The following PLEKHB2 variants were observed in gnomAD, a reference collection of about 807,000 sequenced individuals.
PLEKHB2 encodes pleckstrin homology domain containing B2.
PLEKHB2 carries 31 observed loss-of-function variants against 36.5 expected under a neutral mutation model. That is an observed-to-expected ratio of 0.85 (90% CI 0.64 to 1.15). The LOEUF is 1.15. Among genes scored for constraint, PLEKHB2 ranks in the 50% most tolerant of loss-of-function variants. The probability of loss-of-function intolerance (pLI) is 0.00; values close to 1 mark genes in which losing one functional copy is unlikely to be tolerated. For missense variants in PLEKHB2, 262 were observed against 295.3 expected (o/e 0.89, Z 0.83); for synonymous variants, 119 against 112.0 (o/e 1.06, Z -0.39).
chr2:131,135,391 A>G (rs1476516299), intron 6 of PLEKHB2, among the ~76,000 whole-genome samples: 1 of 152,142 alleles, frequency 6.6e-6, no homozygotes, highest in African/African-American at 2.4e-5. Context: ...TTCTAAGCTC[A>G]CTTACTCTAT....
chr2:131,144,176 A>G (rs1156338445), intron 7 of PLEKHB2, among the ~76,000 whole-genome samples: 3 of 152,174 alleles, frequency 2.0e-5, no homozygotes, highest in Non-Finnish European at 4.4e-5. Context: ...GCTAGTCCAC[A>G]AGAACCCTCC....
chr2:131,127,897 G>A (rs1559079702), intron 4 of PLEKHB2, among the ~76,000 whole-genome samples: 1 of 152,190 alleles, frequency 6.6e-6, no homozygotes, highest in Non-Finnish European at 1.5e-5. Flanking sequence ...AGCAGAGGCT[G>A]GACGGTTCTC....
intron 6 of PLEKHB2, among the ~76,000 whole-genome samples, chr2:131,135,420 C>T (rs72982497): frequency 6.6e-6 from 1 of 152,250 alleles, no homozygotes; most frequent in South Asian, 2.1e-4. Flanking sequence ...TCTGTAGATT[C>T]TTTGGGATAT....
At chr2:131,109,949 C>T (rs1243212077) in intron 1 of PLEKHB2, among the ~76,000 whole-genome samples, 3 of 151,642 alleles carry the variant, frequency 2.0e-5, no homozygotes, top group Non-Finnish European at 4.4e-5. Flanking sequence ...CCTGTCTCTA[C>T]TAAAAATACA....
intron 6 of PLEKHB2, among the ~76,000 whole-genome samples, chr2:131,139,170 A>G (rs762010456): frequency 6.6e-6 from 1 of 152,232 alleles, no homozygotes; most frequent in East Asian, 1.9e-4. Flanking sequence ...TTTGGTCTGC[A>G]CTGATCGGCA....
intron 4 of PLEKHB2, among the ~76,000 whole-genome samples, chr2:131,129,773 G>A (rs540680809): frequency 1.3e-5 from 2 of 152,316 alleles, no homozygotes; most frequent in East Asian, 1.9e-4. Flanking sequence ...GAAGTGCTGG[G>A]ATTACAGGCG....
chr2:131,137,241 C>T (rs1698361099), intron 6 of PLEKHB2, among the ~76,000 whole-genome samples: 1 of 152,224 alleles, frequency 6.6e-6, no homozygotes, highest in Non-Finnish European at 1.5e-5. Context: ...GCCACTGTGC[C>T]CGGCCTCTTT....
At chr2:131,111,908 C>A (rs887860474) in intron 1 of PLEKHB2, among the ~76,000 whole-genome samples, 1 of 152,018 alleles carries the variant, frequency 6.6e-6, no homozygotes, top group Admixed American at 6.6e-5. Flanking sequence ...AGATTTTTCT[C>A]CAGTGTCTGA....
chr2:131,107,014 C>A (rs1694804754), intron 1 of PLEKHB2, among the ~76,000 whole-genome samples: 1 of 152,202 alleles, frequency 6.6e-6, no homozygotes, highest in Non-Finnish European at 1.5e-5. Flanking sequence ...AGGACAGATA[C>A]TCTTGTGGTG....
At chr2:131,134,577 G>A (rs1171202085) in intron 6 of PLEKHB2, among the ~76,000 whole-genome samples, 1 of 152,068 alleles carries the variant, frequency 6.6e-6, no homozygotes, top group African/African-American at 2.4e-5. Flanking sequence ...CCATTGTTCT[G>A]TATTGTTACC....
chr2:131,135,989 TTTAG>T (rs1416484824), intron 6 of PLEKHB2, among the ~76,000 whole-genome samples: 2 of 152,162 alleles, frequency 1.3e-5, no homozygotes, highest in Non-Finnish European at 2.9e-5. Flanking sequence ...GAATTCAGTA[TTTAG>T]TTTTACATAT....
chr2:131,130,026 A>T (rs575365282), intron 4 of PLEKHB2, among the ~76,000 whole-genome samples: 2 of 151,762 alleles, frequency 1.3e-5, no homozygotes, highest in Non-Finnish European at 1.5e-5. Flanking sequence ...GGTAATAGGG[A>T]TGTTAATAGC....
At chr2:131,126,371 C>CA (rs754462733) in intron 3 of PLEKHB2, among the ~76,000 whole-genome samples, 8 of 152,198 alleles carry the variant, frequency 5.3e-5, no homozygotes, top group East Asian at 3.9e-4. Flanking sequence ...ACTAAAAATA[C>CA]AAAAAAATTA....
chr2:131,127,902 G>A (rs757012062), intron 4 of PLEKHB2, among the ~76,000 whole-genome samples: 5 of 152,206 alleles, frequency 3.3e-5, no homozygotes, highest in Admixed American at 2.0e-4. Context: ...AGGCTGGACG[G>A]TTCTCCCAGG....
Position 131,122,687 on chromosome 2 carries a change from C to T in PLEKHB2, c.37+1709C>T, listed in dbSNP as rs995814271. 8.5e-5 allele frequency among the ~76,000 whole-genome samples: 13 copies of T among 152,308 alleles called. 1 individual carries two copies. The highest frequency in any genetic ancestry group is 4.1e-4 in the South Asian group (2 of 4,824). ...GTGATTTCAACACTGACATTATATG[C>T]ACCCAGAGACCGGTCTTCAGCCTGT... On this transcript the variant is annotated intron_variant, in intron 2 of 7. Transcript: ENST00000693505.
At chr2:131,122,204 C>T (rs545008281) in intron 2 of PLEKHB2, among the ~76,000 whole-genome samples, 243 of 152,208 alleles carry the variant, frequency 1.6e-3, no homozygotes, top group Middle Eastern at 0.01. Context: ...CGTGAGCCAC[C>T]GCGCCCGGCC....
intron 1 of PLEKHB2, 112 bp from the exon 2 acceptor site, chr2:131,120,822 G>A (rs1696429519): frequency 9.5e-7 from 1 of 1,047,490 alleles, no homozygotes; most frequent in Non-Finnish European, 1.5e-6. Flanking sequence ...AGCTAAAATG[G>A]CCTTGGGCCC....
intron 6 of PLEKHB2, 132 bp downstream of exon 6, chr2:131,133,123 TCAA>T (rs1697888367): frequency 7.9e-6 from 5 of 633,456 alleles, no homozygotes; most frequent in South Asian, 2.0e-5. Flanking sequence ...TGATTTCTTA[TCAA>T]CGTTTGTTTT....
At chr2:131,145,667 A>G (rs16856542) in intron 7 of PLEKHB2, among the ~76,000 whole-genome samples, 27,731 of 152,148 alleles carry the variant, frequency 0.18, 3,091 homozygotes, top group African/African-American at 0.32. Context: ...GGAATAGAGG[A>G]TCAAGGAGGA....
Sources: gnomAD v4.1 joint callset for allele counts (sites outside exome capture counted in the v4.1 genomes callset) on GRCh38, gnomAD v4.1.1 for gene constraint, MANE v1.5 for transcripts, NCBI Gene and HGNC (gene_info 2026-07-23, HGNC 2026-07-21) for gene names.